Variants in CBLB observed in about 807,000 individuals in gnomAD.
CBLB encodes Cbl proto-oncogene B.
CBLB carries 31 observed loss-of-function variants against 104.9 expected under a neutral mutation model. That is an observed-to-expected ratio of 0.30 (90% CI 0.22 to 0.40). CBLB has a LOEUF of 0.40. Among genes scored for constraint, CBLB ranks in the 10% least tolerant of loss-of-function variants. The pLI, the probability that CBLB is intolerant of heterozygous loss-of-function variation, is 1.00. For missense variants in CBLB, 1,062 were observed against 1,214.6 expected (o/e 0.87, Z 1.87); for synonymous variants, 440 against 422.6 (o/e 1.04, Z -0.51).
chr3:105,685,456 G>A lies in CBLB; in HGVS notation c.2065C>T (p.Pro689Ser). ...TTCTCTGAAAGAGAATTTGCTAACG[G>A]ACCAGTACACCTACCAGGGGAAAAA... ...TLLPSIKCTG[P>S]LANSLSEKTR... The change falls in exon 14 of 19, where the codon CCG (proline) becomes TCG (serine). Residue 689 changes from proline to serine, a missense_variant. Physicochemically the swap from Pro to Ser is moderately conservative, Grantham distance 74. This residue lies in a region of CBLB where 605 missense variants were observed against 582.6 expected (regional missense o/e 1.04). Coordinates refer to ENST00000394030, the MANE Select transcript of CBLB (RefSeq NM_170662.5). 2 of 1,613,000 alleles carry A rather than the reference G, an allele frequency of 1.2e-6. No homozygotes were observed. The highest frequency in any genetic ancestry group is 1.7e-6 in the Non-Finnish European group (2 of 1,179,244).
At chr3:105,819,094 T>G (rs1374476795) in intron 3 of CBLB, among the ~76,000 whole-genome samples, 2 of 152,242 alleles carry the variant, frequency 1.3e-5, no homozygotes, top group Non-Finnish European at 2.9e-5. Flanking sequence ...AAATCTAGCT[T>G]CATATATCAG....
intron 10 of CBLB, among the ~76,000 whole-genome samples, chr3:105,712,104 G>A (rs1402412574): frequency 6.6e-6 from 1 of 152,092 alleles, no homozygotes; most frequent in Non-Finnish European, 1.5e-5. Flanking sequence ...TGATGATACT[G>A]CTTCTCCTTG....
rs1222128344 is a variant in CBLB, at chr3:105,656,802, T to A, written c.*2168A>T. The A allele has an allele frequency of 4.9e-6, 1 of 204,066 alleles. No homozygotes were observed. The highest frequency in any genetic ancestry group is 7.5e-5 in the East Asian group (1 of 13,282). 12.6% of individuals were successfully genotyped at this position (204,066 alleles called of 1,614,324 possible). A position where few individuals can be genotyped will look rare whatever the true frequency, so the allele number is the denominator to read the frequency against. ...TTGCAACAATGTTATCACAATGAAG[T>A]GGCAACTTTTGGCCTTTAGACTGTA... On this transcript the variant is annotated 3_prime_UTR_variant, in exon 19 of 19. Transcript: ENST00000394030.
rs566116983 is a variant in CBLB at position 105,657,566 on chromosome 3, G to T, written c.*1404C>A. The T allele has an allele frequency of 2.9e-5, 6 of 204,180 alleles. No homozygotes were observed. In the South Asian group the frequency reaches 5.7e-4, roughly 19 times the overall value. 12.6% of individuals were successfully genotyped at this position (204,180 alleles called of 1,614,324 possible). On this transcript the variant is annotated 3_prime_UTR_variant, in exon 19 of 19. Coordinates refer to ENST00000394030, the MANE Select transcript of CBLB (RefSeq NM_170662.5). ...CAGAAAAACAAAAATAAAACATTACGCTGGAATCAGCTTTTGAGAGTTTGT... is the reference window on the plus strand; with the variant it reads ...CAGAAAAACAAAAATAAAACATTACTCTGGAATCAGCTTTTGAGAGTTTGT...
chr3:105,780,670 T>TTTTTTTTTTTTTG (rs1560209728), intron 3 of CBLB, among the ~76,000 whole-genome samples: 1 of 135,208 alleles, frequency 7.4e-6, no homozygotes, highest in Admixed American at 7.8e-5. Flanking sequence ...GTTTTTTTTT[T>TTTTTTTTTTTTTG]TTTTTTTTTT....
At chr3:105,726,694 C>A (rs1333931139) in intron 9 of CBLB, among the ~76,000 whole-genome samples, 1 of 152,062 alleles carries the variant, frequency 6.6e-6, no homozygotes, top group African/African-American at 2.4e-5. Context: ...CTAAAGCTAT[C>A]CCTCCCCTTG....
chr3:105,730,431 T>C (rs2152850855), intron 9 of CBLB, among the ~76,000 whole-genome samples: 1 of 152,256 alleles, frequency 6.6e-6, no homozygotes, highest in Non-Finnish European at 1.5e-5. Flanking sequence ...AATACTGTCT[T>C]TTTATTTAAT....
chr3:105,781,467 A>C (rs867495431), intron 3 of CBLB, among the ~76,000 whole-genome samples: 2 of 152,230 alleles, frequency 1.3e-5, no homozygotes, highest in Admixed American at 6.5e-5. Context: ...GAAACAAAAA[A>C]ACATGAAGAG....
intron 6 of CBLB, 70 bp downstream of exon 6, chr3:105,745,847 T>A (rs2076052368): frequency 2.7e-6 from 4 of 1,460,544 alleles, no homozygotes; most frequent in South Asian, 1.1e-5. Flanking sequence ...GCTGACTTAC[T>A]TAGGAACAAA....
intron 4 of CBLB, among the ~76,000 whole-genome samples, chr3:105,761,947 T>G (rs963464629): frequency 1.3e-5 from 2 of 152,100 alleles, no homozygotes; most frequent in African/African-American, 4.8e-5. Flanking sequence ...GAGATGGAGA[T>G]GGGGAACTTG....
At chr3:105,678,720 G>T (rs1295270865) in intron 16 of CBLB, 149 bp from the exon 17 acceptor site, 1 of 857,226 alleles carries the variant, frequency 1.2e-6, no homozygotes, top group African/African-American at 1.7e-5. Context: ...CTTTGATAAT[G>T]GGATCTAATT....
At chr3:105,783,145 T>C (rs544840233) in intron 3 of CBLB, among the ~76,000 whole-genome samples, 1 of 152,314 alleles carries the variant, frequency 6.6e-6, no homozygotes, top group South Asian at 2.1e-4. Flanking sequence ...GTTTGGTCCT[T>C]AAGTTTGTTA....
At chr3:105,752,108 G>C (rs2152910082) in intron 4 of CBLB, among the ~76,000 whole-genome samples, 1 of 152,270 alleles carries the variant, frequency 6.6e-6, no homozygotes, top group South Asian at 2.1e-4. Context: ...AGACATTTCT[G>C]CCACAACCCT....
intron 3 of CBLB, among the ~76,000 whole-genome samples, chr3:105,850,059 A>G (rs938428918): frequency 3.3e-5 from 5 of 152,128 alleles, no homozygotes; most frequent in African/African-American, 9.7e-5. Flanking sequence ...TAAAGCATTA[A>G]TTAATGCTAA....
chr3:105,773,970 T>C (rs963784423), intron 4 of CBLB, among the ~76,000 whole-genome samples: 1 of 152,240 alleles, frequency 6.6e-6, no homozygotes, highest in Non-Finnish European at 1.5e-5. Flanking sequence ...AGCACTACCA[T>C]GTCTTCAAAA....
chr3:105,814,039 C>A (rs970346290), intron 3 of CBLB, among the ~76,000 whole-genome samples: 7 of 152,032 alleles, frequency 4.6e-5, no homozygotes, highest in Non-Finnish European at 1.0e-4. Context: ...TTCAATTAAG[C>A]AATTCTGATT....
At chr3:105,751,731 C>T in intron 4 of CBLB, 113 bp from the exon 5 acceptor site, 1 of 793,520 alleles carries the variant, frequency 1.3e-6, no homozygotes, top group African/African-American at 1.7e-5. Flanking sequence ...ATTTGTACTA[C>T]CAGACAAATA....
Position 105,798,734 on chromosome 3 carries a change from T to C in CBLB, c.420-22192A>G, listed in dbSNP as rs1026756302. Reference sequence around the variant, plus strand: ...CTTTTAAAACCCAAGAGCTACTCTTTTTTTTCCCCTTTGCTGCTTATTTTG... The same window carrying C: ...CTTTTAAAACCCAAGAGCTACTCTTCTTTTTCCCCTTTGCTGCTTATTTTG... On this transcript the variant is annotated intron_variant, in intron 3 of 18. Coordinates refer to ENST00000394030, the MANE Select transcript of CBLB (RefSeq NM_170662.5). 3.3e-5 allele frequency among the ~76,000 whole-genome samples: 5 copies of C among 152,160 alleles called. No individual in the cohort carries two copies. The South Asian group carries it at 1.0e-3, about 32-fold the overall frequency.
At position 105,848,244 on chromosome 3, in the gene CBLB, G is replaced by GT. The variant is rs774397468; in HGVS notation, c.419+5169dup. Among the ~76,000 whole-genome samples the GT allele has an allele frequency of 1.2e-4, 18 of 152,174 alleles. No homozygotes were observed. In the East Asian group the frequency reaches 2.9e-3, roughly 24 times the overall value. On this transcript the variant is annotated intron_variant, in intron 3 of 18. Transcript: ENST00000394030. Reference sequence around the variant, plus strand: ...ATGATATAAAAGATGAAGGTTTACTGTATCAGTCGGGGGAGGCATGCAGCC... The same window carrying GT: ...ATGATATAAAAGATGAAGGTTTACTGTTATCAGTCGGGGGAGGCATGCAGCC...
Sources: gnomAD v4.1 joint callset for allele counts (sites outside exome capture counted in the v4.1 genomes callset) on GRCh38, gnomAD v4.1.1 for gene constraint, gnomAD v4.1.1 regional missense constraint, MANE v1.5 for transcripts, NCBI Gene and HGNC (gene_info 2026-07-23, HGNC 2026-07-21) for gene names.